The following SV2B variants were observed in gnomAD, a reference collection of about 807,000 sequenced individuals.
SV2B encodes synaptic vesicle glycoprotein 2B.
Under a neutral mutation model 73.9 loss-of-function variants are expected in SV2B, and 41 were observed. The ratio of observed to expected loss-of-function variants is 0.56; its 90% CI spans 0.43 to 0.72. The LOEUF (loss-of-function observed/expected upper bound fraction) is 0.72. SV2B is among the 30% of genes least tolerant of loss of function. The pLI, the probability that SV2B is intolerant of heterozygous loss-of-function variation, is 0.00. For missense variants in SV2B, 764 were observed against 857.8 expected, an observed-to-expected ratio of 0.89 and a Z score of 1.37; for synonymous variants, 314 against 314.2, an observed-to-expected ratio of 1.00 and a Z score of 0.01.
At position 91,139,068 on chromosome 15, in the gene SV2B, G is replaced by A. The variant is rs1245426944; in HGVS notation, c.-392+38705G>A. 6.6e-6 allele frequency among the ~76,000 whole-genome samples: 1 copy of A among 152,148 alleles called. No individual in the cohort carries two copies. Among genetic ancestry groups the A allele is most frequent in the Non-Finnish European group, 1.5e-5 (1 of 68,024 alleles). On this transcript the variant is annotated intron_variant, in intron 1 of 12. Transcript: ENST00000394232. The surrounding 1 kb of genome is among the most constrained non-coding windows in gnomAD (Gnocchi z 5.2). ...GATGTTACAAAATTATCACTTTTTAGGTGTGATAATGGCATACTGATTATT... is the reference window on the plus strand; with the variant it reads ...GATGTTACAAAATTATCACTTTTTAAGTGTGATAATGGCATACTGATTATT...
At chr15:91,238,908 G>C (rs3784771) in intron 2 of SV2B, among the ~76,000 whole-genome samples, 2,875 of 152,204 alleles carry the variant, frequency 0.019, 93 homozygotes, top group East Asian at 0.12. Flanking sequence ...TCGGGTCCTC[G>C]GTGGAGCTCA....
At chr15:91,250,999 C>T (rs952835404) in intron 2 of SV2B, among the ~76,000 whole-genome samples, 1 of 152,146 alleles carries the variant, frequency 6.6e-6, no homozygotes, top group Non-Finnish European at 1.5e-5. Flanking sequence ...ATAGGCAAAG[C>T]AGTCGAGCCA....
At position 91,242,984 on chromosome 15, in the gene SV2B, A is replaced by G. The variant is rs552415919; in HGVS notation, c.452-8835A>G. Reference sequence around the variant, plus strand: ...GTTAGGTGGTGGCTGCTCCCTTTAGACGGGCATGTATTTCTCAGTCCCCAC... The same window carrying G: ...GTTAGGTGGTGGCTGCTCCCTTTAGGCGGGCATGTATTTCTCAGTCCCCAC... On this transcript the variant is annotated intron_variant, in intron 2 of 12. Transcript: ENST00000394232. The surrounding 1 kb of genome is among the most constrained non-coding windows in gnomAD (Gnocchi z 4.9). Among the ~76,000 whole-genome samples the G allele has an allele frequency of 6.6e-6, 1 of 152,232 alleles. No homozygotes were observed. Among genetic ancestry groups the G allele is most frequent in the East Asian group, 1.9e-4 (1 of 5,170 alleles).
chr15:91,193,477 G>GCTTCCT (rs1376458501), intron 1 of SV2B, among the ~76,000 whole-genome samples: 1 of 152,166 alleles, frequency 6.6e-6, no homozygotes, highest in Non-Finnish European at 1.5e-5. Flanking sequence ...GACCGTCTGT[G>GCTTCCT]CTTCCTTCTC....
At chr15:91,272,497 T>C (rs1596754784) in intron 9 of SV2B, among the ~76,000 whole-genome samples, 1 of 152,120 alleles carries the variant, frequency 6.6e-6, no homozygotes, top group South Asian at 2.1e-4. Flanking sequence ...GGAAGTAATG[T>C]CTTACTCCTG....
At chr15:91,191,005 C>T (rs1464693149) in intron 1 of SV2B, among the ~76,000 whole-genome samples, 2 of 144,880 alleles carry the variant, frequency 1.4e-5, no homozygotes, top group Non-Finnish European at 3.0e-5. Flanking sequence ...TAATTTTTGC[C>T]TTAAATTCTA....
Position 91,122,526 on chromosome 15 carries a change from T to A in SV2B, c.-392+22163T>A, listed in dbSNP as rs1174287766. On this transcript the variant is annotated intron_variant, in intron 1 of 12. Coordinates refer to ENST00000394232, the MANE Select transcript of SV2B (RefSeq NM_001323032.3). This position sits in a 1 kb window ranked among gnomAD's most constrained non-coding sequence, Gnocchi z 4.3. ...TCTCCTTCTCTGCCAACATGCATGC[T>A]GCAGAGCAGACTCCCCCATCCTGGT... is the stretch of plus-strand genomic sequence containing the variant. Among the ~76,000 whole-genome samples the A allele has an allele frequency of 6.6e-6, 1 of 152,218 alleles. No homozygotes were observed. Among genetic ancestry groups the A allele is most frequent in the Admixed American group, 6.5e-5 (1 of 15,286 alleles).
At chr15:91,101,506 G>T (rs1567251245) in intron 1 of SV2B, among the ~76,000 whole-genome samples, 1 of 152,158 alleles carries the variant, frequency 6.6e-6, no homozygotes, top group South Asian at 2.1e-4. Flanking sequence ...CTGGCTCCCT[G>T]AGGTTCACAC....
chr15:91,209,114 G>GTTTTTTTTTTTTTTT (rs903531189), intron 1 of SV2B, among the ~76,000 whole-genome samples: 3 of 90,022 alleles, frequency 3.3e-5, no homozygotes, highest in African/African-American at 1.9e-4. Flanking sequence ...ACTGTTTTTT[G>GTTTTTTTTTTTTTTT]TTTTTTTTTT....
chr15:91,192,051 T>G (rs1211040972), intron 1 of SV2B, among the ~76,000 whole-genome samples: 1 of 152,208 alleles, frequency 6.6e-6, no homozygotes, highest in Middle Eastern at 3.2e-3. Context: ...CTCATGCTGG[T>G]CTCTCTGTCT....
At position 91,261,699 on chromosome 15, in the gene SV2B, G is replaced by T. The variant is rs2047915133; in HGVS notation, c.1008+1290G>T. On this transcript the variant is annotated intron_variant, in intron 6 of 12. Coordinates refer to ENST00000394232, the MANE Select transcript of SV2B (RefSeq NM_001323032.3). The surrounding 1 kb of genome is among the most constrained non-coding windows in gnomAD (Gnocchi z 4.7). ...AATCTACAATGCCACAGGCAATAGAGGACCCATTTCTTTACACCCTTACCA... is the reference window on the plus strand; with the variant it reads ...AATCTACAATGCCACAGGCAATAGATGACCCATTTCTTTACACCCTTACCA... Among the ~76,000 whole-genome samples the T allele has an allele frequency of 6.6e-6, 1 of 152,238 alleles. No homozygotes were observed. Among genetic ancestry groups the T allele is most frequent in the African/African-American group, 2.4e-5 (1 of 41,518 alleles).
rs2042949263 is a variant in SV2B at position 91,139,837 on chromosome 15, T to C, written c.-392+39474T>C. ...TGGTTGTAAAAGACGTAAACTAAGA[T>C]TGTCCTGGAGAAACCAAGCTATATG... On this transcript the variant is annotated intron_variant, in intron 1 of 12. Transcript: ENST00000394232. The surrounding 1 kb of genome is among the most constrained non-coding windows in gnomAD (Gnocchi z 5.2). Among the ~76,000 whole-genome samples the C allele has an allele frequency of 1.3e-5, 2 of 152,152 alleles. No individual in the cohort carries two copies. Among genetic ancestry groups the C allele is most frequent in the African/African-American group, 4.8e-5 (2 of 41,424 alleles).
chr15:91,125,126 T>G (rs919168770), intron 1 of SV2B, among the ~76,000 whole-genome samples: 2 of 152,206 alleles, frequency 1.3e-5, no homozygotes, highest in Non-Finnish European at 2.9e-5. Context: ...TATGTTCAGA[T>G]TTTCTCTTCT....
Position 91,225,951 on chromosome 15 carries a change from A to T in SV2B, c.-313A>T, listed in dbSNP as rs2046361579. ...CTGCTCGCTCCCTGTCAAGAAAAAC[A>T]GCTGGATCCATTTCTAATCAACACT... On this transcript the variant is annotated 5_prime_UTR_variant, in exon 2 of 13. Coordinates refer to ENST00000394232, the MANE Select transcript of SV2B (RefSeq NM_001323032.3). 2.7e-6 allele frequency: 1 copy of T among 367,292 alleles called. No homozygotes were observed. Among genetic ancestry groups the T allele is most frequent in the Non-Finnish European group, 4.9e-6 (1 of 202,182 alleles). 22.8% of individuals were successfully genotyped at this position (367,292 alleles called of 1,614,324 possible). A position where few individuals can be genotyped will look rare whatever the true frequency, so the allele number is the denominator to read the frequency against.
intron 6 of SV2B, 72 bp from the exon 7 acceptor site, chr15:91,266,510 A>G: frequency 1.7e-6 from 2 of 1,185,620 alleles, no homozygotes; most frequent in Non-Finnish European, 2.5e-6. Flanking sequence ...AAATAGTTAC[A>G]TTAAACTACA....
intron 1 of SV2B, among the ~76,000 whole-genome samples, chr15:91,127,438 A>T (rs2042518156): frequency 6.6e-6 from 1 of 151,946 alleles, no homozygotes; most frequent in African/African-American, 2.4e-5. Context: ...ACTGCCGGGA[A>T]GGCATCCTGT....
intron 4 of SV2B, among the ~76,000 whole-genome samples, chr15:91,257,603 G>A (rs771626530): frequency 2.0e-5 from 3 of 152,188 alleles, no homozygotes; most frequent in Non-Finnish European, 4.4e-5. Context: ...CCGTATAACA[G>A]CTTACAGTGT....
intron 1 of SV2B, among the ~76,000 whole-genome samples, chr15:91,209,214 C>T (rs997476008): frequency 2.0e-5 from 3 of 150,700 alleles, no homozygotes; most frequent in African/African-American, 4.9e-5. Context: ...CTCTGCCTCC[C>T]AGGTTCAAGT....
At chr15:91,143,023 C>G (rs76763960) in intron 1 of SV2B, among the ~76,000 whole-genome samples, 48,824 of 152,026 alleles carry the variant, frequency 0.32, 8,429 homozygotes, top group Non-Finnish European at 0.38. Context: ...TGAGGCTCCT[C>G]TTACTCACCT....
Sources: gnomAD v4.1 joint callset for allele counts (sites outside exome capture counted in the v4.1 genomes callset) on GRCh38, gnomAD v4.1.1 for gene constraint, Gnocchi (gnomAD v3.1) non-coding constraint, MANE v1.5 for transcripts, NCBI Gene and HGNC (gene_info 2026-07-23, HGNC 2026-07-21) for gene names.